Variants in DPPA2 observed in about 807,000 individuals in gnomAD.
DPPA2 encodes the protein developmental pluripotency associated 2, also known as developmental pluripotency-associated protein 2.
A neutral mutation model predicts 36.2 loss-of-function variants in DPPA2; 26 were observed. That is an observed-to-expected ratio of 0.72 (90% CI 0.53 to 1.00). The LOEUF (loss-of-function observed/expected upper bound fraction) is 1.00. Ranked by LOEUF, DPPA2 falls within the 50% of genes least tolerant of loss-of-function variation. The pLI, the probability that DPPA2 is intolerant of heterozygous loss-of-function variation, is 0.00. For synonymous variants in DPPA2, 113 were observed against 123.2 expected, an observed-to-expected ratio of 0.92 and a Z score of 0.55; for missense variants, 361 against 365.1, an observed-to-expected ratio of 0.99 and a Z score of 0.09.
chr3:109,311,635 G>A (rs1707711194), intron 3 of DPPA2, among the ~76,000 whole-genome samples: 1 of 151,940 alleles, frequency 6.6e-6, no homozygotes, highest in South Asian at 2.1e-4. Context: ...AGGTACTAGG[G>A]AGGCTGAGGC....
intron 7 of DPPA2, among the ~76,000 whole-genome samples, chr3:109,301,275 G>A (rs115922283): frequency 0.025 from 3,743 of 151,810 alleles, 147 homozygotes; most frequent in African/African-American, 0.083. Context: ...CACCATGCCC[G>A]GCTTCCTTCA....
At chr3:109,295,408 G>C (rs550185122) in intron 8 of DPPA2, 8 of 151,284 alleles carry the variant, frequency 5.3e-5, no homozygotes, top group Non-Finnish European at 1.2e-4. Flanking sequence ...ACCATGCCCG[G>C]CTAATTTTTG....
rs1010140241 is a variant in DPPA2 at position 109,304,620 on chromosome 3, C to A, written c.709G>T (p.Gly237Cys). Residue 237 changes from glycine to cysteine, a missense_variant, in exon 7 of 9, where the codon GGT becomes TGT. Transcript: ENST00000478945. ...GCATGAAACTGCAGGCGTACCCAACCCTTTGTGTCTGCCGAGAGAAGTCTG... is the reference window on the plus strand; with the variant it reads ...GCATGAAACTGCAGGCGTACCCAACACTTTGTGTCTGCCGAGAGAAGTCTG... ...HGRLLSADTK[G>C]WVRLQFHAGQ... 7 of 1,613,290 alleles carry A rather than the reference C, an allele frequency of 4.3e-6. No individual in the cohort carries two copies. The highest frequency in any genetic ancestry group is 5.1e-6 in the Non-Finnish European group (6 of 1,179,826).
At chr3:109,304,123 A>T (rs918186844) in intron 7 of DPPA2, among the ~76,000 whole-genome samples, 6 of 152,092 alleles carry the variant, frequency 3.9e-5, no homozygotes, top group Non-Finnish European at 8.8e-5. Context: ...TACAAAAATT[A>T]GCTGGGCGTG....
intron 7 of DPPA2, among the ~76,000 whole-genome samples, chr3:109,301,567 G>A (rs1030511056): frequency 5.1e-4 from 78 of 152,016 alleles, no homozygotes; most frequent in African/African-American, 1.8e-3. Context: ...CAGGAGAATC[G>A]CTTGAACCTG....
At chr3:109,299,700 AG>A (rs1344537048) in intron 8 of DPPA2, among the ~76,000 whole-genome samples, 2 of 149,270 alleles carry the variant, frequency 1.3e-5, no homozygotes, top group African/African-American at 5.0e-5. Flanking sequence ...AAAAAAAAAA[AG>A]AAAAAGAAAA....
intron 3 of DPPA2, 88 bp from the exon 4 acceptor site, chr3:109,309,418 T>C: frequency 6.8e-7 from 1 of 1,475,136 alleles, no homozygotes; most frequent in Non-Finnish European, 9.3e-7. Flanking sequence ...TCGGGCACGG[T>C]GGCTCACGCC....
At chr3:109,298,012 G>A (rs1707382934) in intron 8 of DPPA2, among the ~76,000 whole-genome samples, 1 of 152,010 alleles carries the variant, frequency 6.6e-6, no homozygotes, top group South Asian at 2.1e-4. Flanking sequence ...TCAGAAGGCT[G>A]GGCCAGGAGA....
chr3:109,294,738 T>C (rs1559692856), intron 8 of DPPA2, among the ~76,000 whole-genome samples: 1 of 152,190 alleles, frequency 6.6e-6, no homozygotes, highest in Non-Finnish European at 1.5e-5. Context: ...AAAAACTGTT[T>C]ATTAGCTGGG....
In DPPA2 at chr3:109,304,512, T is replaced by C. The variant is rs769125699; in HGVS notation, c.817A>G (p.Ile273Val). 82 of 1,613,892 alleles carry C rather than the reference T, an allele frequency of 5.1e-5. No homozygotes were observed. Among genetic ancestry groups the C allele is most frequent in the Non-Finnish European group, 6.7e-5 (79 of 1,179,996 alleles). Residue 273 changes from isoleucine to valine, a missense_variant, in exon 7 of 9, where the codon ATA (isoleucine) becomes GTA (valine). By Grantham distance (29) the Ile-to-Val change is conservative (BLOSUM62 3). Transcript: ENST00000478945. ...TCGGGGCATAACATATTATCTTCTATGCCTGGGGATGGGAAAATGCAGGCA... is the reference window on the plus strand; with the variant it reads ...TCGGGGCATAACATATTATCTTCTACGCCTGGGGATGGGAAAATGCAGGCA... The part of the protein sequence containing the change: ...LPACIFPSPG[I>V]EDNMLCPDCA...
chr3:109,298,766 C>T (rs377261947), intron 8 of DPPA2, among the ~76,000 whole-genome samples: 3 of 151,398 alleles, frequency 2.0e-5, no homozygotes, highest in East Asian at 1.9e-4. Flanking sequence ...CAGTGGCTCA[C>T]GCCTGTAATC....
rs930772931 is a variant in DPPA2 at position 109,305,981 on chromosome 3, A to G, written c.659-1311T>C. ...TGTCTGTTTAAAAGTGTAAGGAACA[A>G]TTTAATTAAGGAGACGGGATATTTG... On this transcript the variant is annotated intron_variant, in intron 6 of 8. Coordinates refer to ENST00000478945, the MANE Select transcript of DPPA2 (RefSeq NM_138815.4). Among the ~76,000 whole-genome samples the G allele has an allele frequency of 2.6e-5, 4 of 152,312 alleles. No homozygotes were observed. The South Asian group carries it at 8.3e-4, about 32-fold the overall frequency.
chr3:109,309,345 G>A lies in DPPA2; in HGVS notation c.182-15C>T. 1 of 1,612,684 alleles carries A rather than the reference G, an allele frequency of 6.2e-7. No individual in the cohort carries two copies. ...AAGTAGATGACCTAAGACAAGAATGGAACCAAAGTAGTAATAATTTAAAGT... is the reference window on the plus strand; with the variant it reads ...AAGTAGATGACCTAAGACAAGAATGAAACCAAAGTAGTAATAATTTAAAGT... On this transcript the variant is annotated splice_polypyrimidine_tract_variant and intron_variant, in intron 3 of 8. Coordinates refer to ENST00000478945, the MANE Select transcript of DPPA2 (RefSeq NM_138815.4).
chr3:109,302,285 G>C (rs545702731), intron 7 of DPPA2, among the ~76,000 whole-genome samples: 68 of 152,018 alleles, frequency 4.5e-4, no homozygotes, highest in Admixed American at 9.8e-4. Context: ...CACTGAATTG[G>C]ACTTCTATGT....
chr3:109,298,717 A>AAAAAAT (rs1553693069), intron 8 of DPPA2, among the ~76,000 whole-genome samples: 1 of 141,874 alleles, frequency 7.0e-6, no homozygotes. Context: ...TTCTGTCTAA[A>AAAAAAT]AATAATAATA....
rs189158412 is a variant in DPPA2, at chr3:109,310,760, G to T, written c.182-1430C>A. Among the ~76,000 whole-genome samples the T allele has an allele frequency of 6.9e-3, 1,033 of 148,754 alleles. 17 individuals carry two copies. The highest frequency in any genetic ancestry group is 0.068 in the East Asian group (331 of 4,856). On this transcript the variant is annotated intron_variant, in intron 3 of 8. Transcript: ENST00000478945. Reference sequence around the variant, plus strand: ...ACCTTGTGATCTGCCCTCCTTGGCCGCCCAAAGTGCTGGGATTACAGGCAT... The same window carrying T: ...ACCTTGTGATCTGCCCTCCTTGGCCTCCCAAAGTGCTGGGATTACAGGCAT...
chr3:109,294,183 T>G lies in DPPA2; in HGVS notation c.*23-179A>C, dbSNP rs556920441. On this transcript the variant is annotated intron_variant, in intron 8 of 8. Transcript: ENST00000478945. ...CTAGACAATAGTGTATAGTCAGAAT[T>G]GGTTTCCTTTGGGTTACTGAATTGG... is the stretch of plus-strand genomic sequence containing the variant. 6.6e-5 allele frequency among the ~76,000 whole-genome samples: 10 copies of G among 152,272 alleles called. No homozygotes were observed. In the East Asian group the frequency reaches 1.4e-3, roughly 21 times the overall value.
intron 5 of DPPA2, among the ~76,000 whole-genome samples, chr3:109,308,637 C>T (rs1316033755): frequency 5.9e-5 from 9 of 152,236 alleles, no homozygotes; most frequent in Non-Finnish European, 1.3e-4. Flanking sequence ...GCTGGGATTA[C>T]AGGCATGAGC....
At chr3:109,313,359 G>C (rs1337610718) in intron 2 of DPPA2, among the ~76,000 whole-genome samples, 1 of 152,178 alleles carries the variant, frequency 6.6e-6, no homozygotes, top group African/African-American at 2.4e-5. Context: ...GACCTGAGGA[G>C]AGTGTATCTG....
Sources: allele counts gnomAD v4.1 joint callset (sites outside exome capture counted in the v4.1 genomes callset), GRCh38; gene constraint gnomAD v4.1.1; transcripts MANE v1.5; gene names NCBI Gene and HGNC (gene_info 2026-07-23, HGNC 2026-07-21).